GNG4: variants seen among roughly 807,000 people sequenced by gnomAD.
GNG4 encodes the protein guanine nucleotide-binding protein G(I)/G(S)/G(O) subunit gamma-4.
GNG4 carries 4 observed loss-of-function variants against 5.8 expected under a neutral mutation model. That is an observed-to-expected ratio of 0.69 (90% CI 0.34 to 1.57). GNG4 has a LOEUF of 1.57. Among genes scored for constraint, GNG4 ranks in the 40% most tolerant of loss-of-function variants. GNG4 has a pLI of 0.06. For missense variants in GNG4, 96 were observed against 95.1 expected, an observed-to-expected ratio of 1.01 and a Z score of -0.04; for synonymous variants, 29 against 32.9, an observed-to-expected ratio of 0.88 and a Z score of 0.41.
At chr1:235,615,687 T>C (rs1688574152) in intron 1 of GNG4, 1 of 212,368 alleles carries the variant, frequency 4.7e-6, no homozygotes, top group African/African-American at 2.4e-5. Flanking sequence ...AACAGGAAAA[T>C]GAACATCACA....
chr1:235,611,611 G>A (rs17548391), intron 1 of GNG4, among the ~76,000 whole-genome samples: 30,665 of 152,126 alleles, frequency 0.2, 3,410 homozygotes, highest in Middle Eastern at 0.29. Flanking sequence ...TCCCAACTTC[G>A]CATTAGACAA....
At chr1:235,608,673 GTT>G (rs1418917453) in intron 1 of GNG4, among the ~76,000 whole-genome samples, 12 of 145,782 alleles carry the variant, frequency 8.2e-5, no homozygotes, top group South Asian at 4.3e-4. Flanking sequence ...TTTTTACTTA[GTT>G]TTTTATTTTT....
At chr1:235,599,366 G>A (rs1688201538) in intron 1 of GNG4, among the ~76,000 whole-genome samples, 1 of 151,472 alleles carries the variant, frequency 6.6e-6, no homozygotes. Flanking sequence ...GCCTAGGCTG[G>A]AGTGCAGTGA....
intron 1 of GNG4, among the ~76,000 whole-genome samples, chr1:235,613,315 G>A (rs1275615214): frequency 1.3e-5 from 2 of 152,166 alleles, no homozygotes; most frequent in Non-Finnish European, 2.9e-5. Flanking sequence ...TGGTTTACAG[G>A]GTGAGGCAGG....
intron 1 of GNG4, among the ~76,000 whole-genome samples, chr1:235,627,733 G>A (rs1196272340): frequency 1.3e-5 from 2 of 152,184 alleles, no homozygotes; most frequent in African/African-American, 4.8e-5. Context: ...AGGCTTCCGG[G>A]TATGTTAACT....
chr1:235,603,511 C>T (rs375264959), intron 1 of GNG4, among the ~76,000 whole-genome samples: 2 of 151,854 alleles, frequency 1.3e-5, no homozygotes, highest in African/African-American at 4.8e-5. Context: ...CAGGGCTCTA[C>T]GTTTGCAGTA....
At position 235,649,003 on chromosome 1, in the gene GNG4, A is replaced by C. The variant is rs1657587357; in HGVS notation, c.-123+659T>G. On this transcript the variant is annotated intron_variant, in intron 1 of 3. Transcript: ENST00000391854. This position sits in a 1 kb window ranked among gnomAD's most constrained non-coding sequence, Gnocchi z 5.7. ...CGCGTTATTTCCAAGGCAATTTAAA[A>C]AATCAAGCCAAACAAAGCTCCCCGG... 6.6e-6 allele frequency among the ~76,000 whole-genome samples: 1 copy of C among 152,196 alleles called. No individual in the cohort carries two copies. The highest frequency in any genetic ancestry group is 1.5e-5 in the Non-Finnish European group (1 of 68,030).
At chr1:235,643,617 A>T (rs1202920659) in intron 1 of GNG4, among the ~76,000 whole-genome samples, 2 of 152,220 alleles carry the variant, frequency 1.3e-5, no homozygotes, top group Non-Finnish European at 2.9e-5. Flanking sequence ...GCAGTCTTCG[A>T]TGAACACATC....
chr1:235,576,899 A>G, intron 3 of GNG4, among the ~76,000 whole-genome samples: 1 of 152,116 alleles, frequency 6.6e-6, no homozygotes, highest in East Asian at 1.9e-4. Context: ...GCAAATGGGG[A>G]CAAGCAGAAC....
intron 1 of GNG4, among the ~76,000 whole-genome samples, chr1:235,606,860 G>A (rs929163853): frequency 3.3e-5 from 5 of 151,844 alleles, no homozygotes; most frequent in Admixed American, 6.6e-5. Context: ...ATGGGGGGGC[G>A]AGCAGAGGAA....
intron 2 of GNG4, among the ~76,000 whole-genome samples, chr1:235,593,491 G>GGC (rs1688035872): frequency 1.3e-5 from 2 of 152,198 alleles, no homozygotes; most frequent in African/African-American, 2.4e-5. Context: ...ACTACAGCCG[G>GGC]CCTTCCGGAC....
chr1:235,569,992 T>C (rs149546234), intron 3 of GNG4, among the ~76,000 whole-genome samples: 2 of 152,332 alleles, frequency 1.3e-5, no homozygotes, highest in African/African-American at 4.8e-5. Flanking sequence ...TCAGCTGTAT[T>C]TGTGTCTGTG....
At chr1:235,605,824 C>T (rs893167563) in intron 1 of GNG4, among the ~76,000 whole-genome samples, 11 of 151,976 alleles carry the variant, frequency 7.2e-5, no homozygotes, top group African/African-American at 2.7e-4. Context: ...GGGAGCAGAC[C>T]AGGAAGGGCC....
intron 1 of GNG4, among the ~76,000 whole-genome samples, chr1:235,647,291 T>C (rs1338118079): frequency 6.6e-6 from 1 of 152,136 alleles, no homozygotes; most frequent in East Asian, 1.9e-4. Flanking sequence ...CAGTATATCC[T>C]TAAAAGGTGT....
At chr1:235,570,810 A>G (rs1687316205) in intron 3 of GNG4, among the ~76,000 whole-genome samples, 1 of 151,450 alleles carries the variant, frequency 6.6e-6, no homozygotes, top group African/African-American at 2.4e-5. Flanking sequence ...ATCCTCCCAC[A>G]TCAGCCTCTA....
chr1:235,588,855 A>G (rs1375204119), intron 2 of GNG4: 1 of 152,272 alleles, frequency 6.6e-6, no homozygotes, highest in South Asian at 2.1e-4. Flanking sequence ...CTCCACACCC[A>G]CATCCATCCT....
At chr1:235,627,857 T>C (rs1688847896) in intron 1 of GNG4, among the ~76,000 whole-genome samples, 1 of 152,074 alleles carries the variant, frequency 6.6e-6, no homozygotes. Context: ...ACTTCCCCAT[T>C]CAAGGAAGGG....
In GNG4 at chr1:235,552,124, A is replaced by C. The variant is rs1403227034; in HGVS notation, c.213T>G (p.Phe71Leu). The change falls in exon 4 of 4, where the codon TTT becomes TTG. Residue 71 changes from phenylalanine to leucine, a missense_variant. Physicochemically the swap from Phe to Leu is conservative, Grantham distance 22 (BLOSUM62 0). Transcript: ENST00000391854. ...SENPFREKKF[F>L]CTIL is the part of the protein sequence containing the mutation. Reference sequence around the variant, plus strand: ...ACACACGGAGTTAGAGAATGGTACAAAAGAACTTCTTCTCGCGAAAGGGGT... The same window carrying C: ...ACACACGGAGTTAGAGAATGGTACACAAGAACTTCTTCTCGCGAAAGGGGT... 63 of 1,613,944 alleles carry C rather than the reference A, an allele frequency of 3.9e-5. No homozygotes were observed. Among genetic ancestry groups the C allele is most frequent in the Non-Finnish European group, 5.3e-5 (63 of 1,179,880 alleles).
intron 3 of GNG4, among the ~76,000 whole-genome samples, chr1:235,557,006 G>C (rs986127466): frequency 6.6e-6 from 1 of 152,104 alleles, no homozygotes; most frequent in African/African-American, 2.4e-5. Flanking sequence ...AGCTCAAGCG[G>C]TAATGCAACC....
Sources: allele counts gnomAD v4.1 joint callset (sites outside exome capture counted in the v4.1 genomes callset), GRCh38; gene constraint gnomAD v4.1.1; non-coding constraint Gnocchi (gnomAD v3.1); transcripts MANE v1.5; gene names NCBI Gene and HGNC (gene_info 2026-07-23, HGNC 2026-07-21).